SLC17A6: variants seen among roughly 807,000 people sequenced by gnomAD.
SLC17A6 encodes the protein vesicular glutamate transporter 2.
In SLC17A6, 35 loss-of-function variants were observed where a neutral mutation model predicts 67.1. The ratio of observed to expected loss-of-function variants is 0.52; its 90% CI spans 0.40 to 0.69. SLC17A6 has a LOEUF of 0.69. Among genes scored for constraint, SLC17A6 ranks in the 30% least tolerant of loss-of-function variants. The pLI, the probability that SLC17A6 is intolerant of heterozygous loss-of-function variation, is 0.00. For missense variants in SLC17A6, 588 were observed against 723.9 expected (o/e 0.81, Z 2.15); for synonymous variants, 285 against 252.3 (o/e 1.13, Z -1.23).
At chr11:22,340,470 A>G (rs1245322501) in intron 1 of SLC17A6, among the ~76,000 whole-genome samples, 2 of 152,224 alleles carry the variant, frequency 1.3e-5, no homozygotes, top group African/African-American at 2.4e-5. Context: ...ACCAAAGCCA[A>G]AAATGAATTG....
At chr11:22,365,325 C>T (rs368110173) in intron 6 of SLC17A6, among the ~76,000 whole-genome samples, 14 of 152,154 alleles carry the variant, frequency 9.2e-5, no homozygotes, top group Non-Finnish European at 1.5e-5. Context: ...TATATCAGTG[C>T]TATTTCATAG....
In SLC17A6 at chr11:22,339,112, ATATGT is replaced by A. The variant is rs1489744784; in HGVS notation, c.86+497_86+501del. ...TATGTTATATATATATGTTATATAT[ATATGT>A]TATATATATATGTTATATATATATG... On this transcript the variant is annotated intron_variant, in intron 1 of 11. Coordinates refer to ENST00000263160, the MANE Select transcript of SLC17A6 (RefSeq NM_020346.3). Among the ~76,000 whole-genome samples the A allele has an allele frequency of 8.9e-5, 10 of 111,880 alleles. 1 individual carries two copies. Among genetic ancestry groups the A allele is most frequent in the African/African-American group, 1.2e-4 (3 of 25,514 alleles). The allele number at this position is 111,880 out of a possible 152,430, so 73.4% of individuals were successfully genotyped here.
intron 1 of SLC17A6, among the ~76,000 whole-genome samples, chr11:22,339,181 T>TA (rs1554942804): frequency 3.6e-5 from 3 of 82,826 alleles, no homozygotes; most frequent in Admixed American, 2.6e-4. Context: ...TATATATGTT[T>TA]TATATATATA....
chr11:22,372,585 G>C (rs549584857), intron 8 of SLC17A6, among the ~76,000 whole-genome samples: 25 of 152,134 alleles, frequency 1.6e-4, no homozygotes, highest in Middle Eastern at 3.4e-3. Flanking sequence ...GAGAAGAACA[G>C]TGTTGGCTGG....
chr11:22,362,605 G>T, intron 5 of SLC17A6, 134 bp from the exon 6 acceptor site: 1 of 683,710 alleles, frequency 1.5e-6, no homozygotes, highest in South Asian at 1.6e-5. Context: ...GGTGATGGAG[G>T]GTATGTGCAT....
chr11:22,352,761 G>C lies in SLC17A6; in HGVS notation c.459-6652G>C, dbSNP rs76765360. 6.9e-3 allele frequency among the ~76,000 whole-genome samples: 1,044 copies of C among 152,256 alleles called. 12 individuals carry two copies. The highest frequency in any genetic ancestry group is 0.024 in the African/African-American group (991 of 41,534). ...TTGAAAAAGAGGTGTGTTTTTGAGG[G>C]TGGGGGCATGAGTGAGTATTGAAGG... On this transcript the variant is annotated intron_variant, in intron 3 of 11. Coordinates refer to ENST00000263160, the MANE Select transcript of SLC17A6 (RefSeq NM_020346.3).
intron 7 of SLC17A6, among the ~76,000 whole-genome samples, chr11:22,366,367 G>A (rs992911745): frequency 9.2e-5 from 14 of 152,026 alleles, no homozygotes; most frequent in Non-Finnish European, 1.8e-4. Flanking sequence ...TATTCTAAAT[G>A]TAAGTTTAAT....
chr11:22,345,860 T>C (rs996083068), intron 3 of SLC17A6, among the ~76,000 whole-genome samples: 1 of 152,202 alleles, frequency 6.6e-6, no homozygotes, highest in Admixed American at 6.5e-5. Context: ...TTAATCAGCC[T>C]GATACCCCTA....
chr11:22,342,895 C>T (rs1855833686), intron 2 of SLC17A6: 1 of 467,604 alleles, frequency 2.1e-6, no homozygotes, highest in African/African-American at 2.0e-5. Flanking sequence ...GGACCCCTGA[C>T]AGGCGTCTCC....
At chr11:22,375,150 A>G (rs946068959) in intron 9 of SLC17A6, among the ~76,000 whole-genome samples, 2 of 152,032 alleles carry the variant, frequency 1.3e-5, no homozygotes, top group African/African-American at 2.4e-5. Flanking sequence ...AGGTGGGTGG[A>G]TCACGAGGTC....
At position 22,377,907 on chromosome 11, in the gene SLC17A6, T is replaced by C; in HGVS notation, c.*167T>C. ...CATGAGGTTACCATCAAGTGCAATC[T>C]GTAAAATTGTGAAGTTCCATCATTT... On this transcript the variant is annotated 3_prime_UTR_variant, in exon 12 of 12. Coordinates refer to ENST00000263160, the MANE Select transcript of SLC17A6 (RefSeq NM_020346.3). 1 of 574,196 alleles carries C rather than the reference T, an allele frequency of 1.7e-6. No homozygotes were observed. The highest frequency in any genetic ancestry group is 1.9e-5 in the African/African-American group (1 of 52,966). 35.6% of individuals were successfully genotyped at this position (574,196 alleles called of 1,614,324 possible).
chr11:22,353,846 C>G (rs780041550), intron 3 of SLC17A6, among the ~76,000 whole-genome samples: 13 of 152,120 alleles, frequency 8.5e-5, no homozygotes, highest in African/African-American at 3.1e-4. Flanking sequence ...ATATCTGCCC[C>G]TTTTGTGATG....
intron 7 of SLC17A6, among the ~76,000 whole-genome samples, chr11:22,368,172 A>G (rs117037462): frequency 0.013 from 1,913 of 152,196 alleles, 21 homozygotes; most frequent in Middle Eastern, 0.021. Context: ...CTACTATCAC[A>G]CTTAACATAA....
In SLC17A6 at chr11:22,338,587, T is replaced by C. The variant is rs748327920; in HGVS notation, c.54T>C (p.Asn18=). 23 of 1,613,646 alleles carry C rather than the reference T, an allele frequency of 1.4e-5. No individual in the cohort carries two copies. The highest frequency in any genetic ancestry group is 1.8e-5 in the Non-Finnish European group (21 of 1,179,866). Residue 18 remains asparagine (N), a synonymous_variant, in exon 1 of 12, where the codon AAT becomes AAC. Coordinates refer to ENST00000263160, the MANE Select transcript of SLC17A6 (RefSeq NM_020346.3). ...ILAPGKEGLK[N]FAGKSLGQIY... ...CCCCAGGAAAAGAGGGGCTAAAGAATTTTGCTGGAAAATCACTCGGCCAGA... is the reference window on the plus strand; with the variant it reads ...CCCCAGGAAAAGAGGGGCTAAAGAACTTTGCTGGAAAATCACTCGGCCAGA...
chr11:22,360,211 C>A (rs543007045), intron 4 of SLC17A6, among the ~76,000 whole-genome samples: 38 of 151,766 alleles, frequency 2.5e-4, no homozygotes, highest in African/African-American at 8.9e-4. Flanking sequence ...TTATCCTCAA[C>A]AAACTAATGT....
chr11:22,365,826 A>G (rs1590390979), intron 7 of SLC17A6, 137 bp downstream of exon 7: 1 of 881,888 alleles, frequency 1.1e-6, no homozygotes, highest in Non-Finnish European at 1.7e-6. Flanking sequence ...TGGTCCATCC[A>G]TATTCTCTGA....
At chr11:22,361,883 T>C (rs1032276163) in intron 5 of SLC17A6, among the ~76,000 whole-genome samples, 6 of 152,202 alleles carry the variant, frequency 3.9e-5, no homozygotes, top group South Asian at 2.1e-4. Context: ...ATGCTAGTAA[T>C]AGGAAATTAA....
chr11:22,352,484 T>C (rs548172679), intron 3 of SLC17A6, among the ~76,000 whole-genome samples: 1 of 152,354 alleles, frequency 6.6e-6, no homozygotes, highest in African/African-American at 2.4e-5. Flanking sequence ...ATCACCTACA[T>C]ATACCTCAGA....
intron 4 of SLC17A6, among the ~76,000 whole-genome samples, chr11:22,360,445 A>G (rs904145471): frequency 2.2e-4 from 34 of 152,132 alleles, no homozygotes; most frequent in African/African-American, 6.5e-4. Context: ...CTATGTGACA[A>G]ACCTGCATAT....
Sources: gnomAD v4.1 joint callset for allele counts (sites outside exome capture counted in the v4.1 genomes callset) on GRCh38, gnomAD v4.1.1 for gene constraint, MANE v1.5 for transcripts, NCBI Gene and HGNC (gene_info 2026-07-23, HGNC 2026-07-21) for gene names.